Variants in KCNB2 observed in about 807,000 individuals in gnomAD.
The protein encoded by KCNB2 is delayed rectifier potassium channel protein.
A neutral mutation model predicts 61.5 loss-of-function variants in KCNB2; 15 were observed. That is an observed-to-expected ratio of 0.24 (90% CI 0.16 to 0.38). The LOEUF is 0.38. KCNB2 is among the 10% of genes least tolerant of loss of function. The pLI is 1.00. For missense variants in KCNB2, 828 were observed against 1,125.2 expected (o/e 0.74, Z 3.78); for synonymous variants, 457 against 446.0 (o/e 1.02, Z -0.31).
At chr8:72,698,963 T>A (rs527491254) in intron 2 of KCNB2, among the ~76,000 whole-genome samples, 2 of 152,058 alleles carry the variant, frequency 1.3e-5, no homozygotes, top group Admixed American at 1.3e-4. Flanking sequence ...TATGAGTAAC[T>A]CCTTAAAAGC....
chr8:72,742,766 A>G (rs533429596), intron 2 of KCNB2, among the ~76,000 whole-genome samples: 1 of 152,238 alleles, frequency 6.6e-6, no homozygotes, highest in South Asian at 2.1e-4. Flanking sequence ...CACATCTCCC[A>G]TCCTTGGCAG....
chr8:72,800,664 C>A lies in KCNB2; in HGVS notation c.580-135271C>A, dbSNP rs994335261. Among the ~76,000 whole-genome samples, 7 of 151,866 alleles carry A rather than the reference C, an allele frequency of 4.6e-5. No individual in the cohort carries two copies. In the East Asian group the frequency reaches 1.2e-3, roughly 25 times the overall value. On this transcript the variant is annotated intron_variant, in intron 2 of 2. Coordinates refer to ENST00000523207, the MANE Select transcript of KCNB2 (RefSeq NM_004770.3). Reference sequence around the variant, plus strand: ...TTGGGAGTCAATAAATAACTTTTGCCAATGACACAATCTTTACTATCTTTT... The same window carrying A: ...TTGGGAGTCAATAAATAACTTTTGCAAATGACACAATCTTTACTATCTTTT...
At chr8:72,771,663 G>A (rs1040342503) in intron 2 of KCNB2, among the ~76,000 whole-genome samples, 48 of 152,104 alleles carry the variant, frequency 3.2e-4, no homozygotes, top group Non-Finnish European at 5.9e-5. Context: ...GAGCAAGTAG[G>A]CGCAGAGACC....
intron 2 of KCNB2, chr8:72,619,274 A>G (rs1167392977): frequency 8.1e-6 from 5 of 619,080 alleles, no homozygotes; most frequent in African/African-American, 1.8e-5. Flanking sequence ...AAGCATTCAG[A>G]TACCTGGAAC....
At chr8:72,734,146 T>C (rs561830915) in intron 2 of KCNB2, among the ~76,000 whole-genome samples, 2 of 152,316 alleles carry the variant, frequency 1.3e-5, no homozygotes, top group East Asian at 1.9e-4. Context: ...TTATCAACTG[T>C]AGCATAGATT....
intron 2 of KCNB2, among the ~76,000 whole-genome samples, chr8:72,770,433 T>C (rs1237304514): frequency 6.6e-6 from 1 of 152,208 alleles, no homozygotes; most frequent in Non-Finnish European, 1.5e-5. Context: ...CCAAGTGCTG[T>C]TGTTCATAAA....
At chr8:72,572,242 C>T (rs559985891) in intron 2 of KCNB2, among the ~76,000 whole-genome samples, 15 of 152,290 alleles carry the variant, frequency 9.8e-5, no homozygotes, top group African/African-American at 3.6e-4. Context: ...AGGGAAGCTT[C>T]ACTCTAAGAG....
At chr8:72,539,207 G>T (rs1806157260) in intron 1 of KCNB2, among the ~76,000 whole-genome samples, 1 of 152,114 alleles carries the variant, frequency 6.6e-6, no homozygotes, top group Non-Finnish European at 1.5e-5. Flanking sequence ...TAGTAATTTG[G>T]CACATTACAC....
chr8:72,755,159 C>A (rs1479094914), intron 2 of KCNB2, among the ~76,000 whole-genome samples: 3 of 152,134 alleles, frequency 2.0e-5, no homozygotes, highest in South Asian at 4.1e-4. Context: ...CTGACCAGTA[C>A]ATCTTAAAAT....
chr8:72,689,875 G>T (rs1253016183), intron 2 of KCNB2, among the ~76,000 whole-genome samples: 1 of 151,970 alleles, frequency 6.6e-6, no homozygotes, highest in Non-Finnish European at 1.5e-5. Context: ...CGTGAGTCTG[G>T]CTTATGTTTT....
intron 2 of KCNB2, among the ~76,000 whole-genome samples, chr8:72,868,241 T>G (rs980254754): frequency 1.3e-5 from 2 of 150,978 alleles, no homozygotes; most frequent in African/African-American, 4.9e-5. Context: ...CAGCCTATTC[T>G]TGCTCTTTAA....
chr8:72,577,335 G>C (rs138921574), intron 2 of KCNB2, among the ~76,000 whole-genome samples: 123 of 152,068 alleles, frequency 8.1e-4, no homozygotes, highest in Non-Finnish European at 1.4e-3. Context: ...AAGAGATAGA[G>C]AGAGAGAGAT....
intron 2 of KCNB2, among the ~76,000 whole-genome samples, chr8:72,899,428 G>C (rs566829319): frequency 1.8e-4 from 27 of 152,268 alleles, no homozygotes; most frequent in African/African-American, 6.5e-4. Context: ...AATAGAAAAG[G>C]AAGTCCAACT....
At chr8:72,864,524 G>A (rs1805481464) in intron 2 of KCNB2, among the ~76,000 whole-genome samples, 1 of 152,150 alleles carries the variant, frequency 6.6e-6, no homozygotes, top group Non-Finnish European at 1.5e-5. Flanking sequence ...ATAATTTATT[G>A]CATTTCCATT....
At chr8:72,741,547 T>C (rs1807959878) in intron 2 of KCNB2, among the ~76,000 whole-genome samples, 1 of 152,150 alleles carries the variant, frequency 6.6e-6, no homozygotes, top group Non-Finnish European at 1.5e-5. Flanking sequence ...ACACAGTGTG[T>C]AGTCTTTTAT....
chr8:72,632,264 A>G (rs1303192278), intron 2 of KCNB2, among the ~76,000 whole-genome samples: 1 of 152,096 alleles, frequency 6.6e-6, no homozygotes, highest in Non-Finnish European at 1.5e-5. Flanking sequence ...GGGAGGGGGC[A>G]ATGGAAAAAA....
chr8:72,617,464 G>T (rs1805637404), intron 2 of KCNB2, among the ~76,000 whole-genome samples: 1 of 152,132 alleles, frequency 6.6e-6, no homozygotes, highest in Non-Finnish European at 1.5e-5. Context: ...ACTCCAGAGA[G>T]ACCTGAAGAA....
intron 2 of KCNB2, among the ~76,000 whole-genome samples, chr8:72,604,391 C>T (rs957277464): frequency 6.6e-6 from 1 of 152,082 alleles, no homozygotes; most frequent in Non-Finnish European, 1.5e-5. Flanking sequence ...AGAATCAGTG[C>T]TCAGAAAAAC....
At chr8:72,644,391 C>A (rs1407742406) in intron 2 of KCNB2, among the ~76,000 whole-genome samples, 1 of 152,086 alleles carries the variant, frequency 6.6e-6, no homozygotes, top group Non-Finnish European at 1.5e-5. Flanking sequence ...CCTGACAATG[C>A]AGGCTGGGTC....
Sources: allele counts gnomAD v4.1 joint callset (sites outside exome capture counted in the v4.1 genomes callset), GRCh38; gene constraint gnomAD v4.1.1; transcripts MANE v1.5; gene names NCBI Gene and HGNC (gene_info 2026-07-23, HGNC 2026-07-21).